ANKH: variants seen among roughly 807,000 people sequenced by gnomAD.
The protein encoded by ANKH is ANKH inorganic pyrophosphate transport regulator.
A neutral mutation model predicts 49.0 loss-of-function variants in ANKH; 15 were observed. The observed-to-expected ratio is 0.31, with a 90% CI of 0.20 to 0.47. The LOEUF (loss-of-function observed/expected upper bound fraction) is 0.47. Among genes scored for constraint, ANKH ranks in the 20% least tolerant of loss-of-function variants. ANKH has a pLI of 1.00. For missense variants in ANKH, 429 were observed against 652.0 expected (o/e 0.66, Z 3.72); for synonymous variants, 273 against 260.0 (o/e 1.05, Z -0.48).
At chr5:14,756,503 G>A (rs1738889781) in intron 3 of ANKH, among the ~76,000 whole-genome samples, 1 of 152,190 alleles carries the variant, frequency 6.6e-6, no homozygotes, top group South Asian at 2.1e-4. Context: ...GTCTGGAGAA[G>A]GTTTCAAGTT....
At chr5:14,826,311 G>A (rs987464115) in intron 1 of ANKH, among the ~76,000 whole-genome samples, 1 of 152,096 alleles carries the variant, frequency 6.6e-6, no homozygotes, top group African/African-American at 2.4e-5. Context: ...TCTGGATTTG[G>A]TCTCCCAAAA....
chr5:14,746,160 T>C lies in ANKH; in HGVS notation c.823-198A>G, dbSNP rs697567. ...AGCAAATTGGGCTCCTAGGGGCAGG[T>C]ACTCTGCCTCATCCCTGGGAGTGCA... On this transcript the variant is annotated intron_variant, in intron 6 of 11. Coordinates refer to ENST00000284268, the MANE Select transcript of ANKH (RefSeq NM_054027.6). Among the ~76,000 whole-genome samples the C allele has an allele frequency of 0.32, 48,059 of 151,722 alleles. 8,692 individuals are homozygous for C. The highest frequency in any genetic ancestry group is 0.51 in the African/African-American group (20,873 of 41,284).
rs552653421 is a variant in ANKH, at chr5:14,735,387, C to T, written c.1011+6440G>A. On this transcript the variant is annotated intron_variant, in intron 8 of 11. Transcript: ENST00000284268. ...GATGTCTCATGAAACTAAAAGGAGA[C>T]AGAATCTAACAAAAAACAAAAACAA... is the stretch of plus-strand genomic sequence containing the variant. Among the ~76,000 whole-genome samples the T allele has an allele frequency of 2.6e-5, 4 of 152,282 alleles. No homozygotes were observed. The South Asian group carries it at 8.3e-4, about 32-fold the overall frequency.
At chr5:14,865,536 T>A (rs1163057777) in intron 1 of ANKH, among the ~76,000 whole-genome samples, 2 of 152,192 alleles carry the variant, frequency 1.3e-5, no homozygotes, top group Non-Finnish European at 2.9e-5. Context: ...TTTCTTTCTT[T>A]AAGCACTTTA....
chr5:14,740,230 G>A (rs1260364306), intron 8 of ANKH, among the ~76,000 whole-genome samples: 4 of 152,200 alleles, frequency 2.6e-5, no homozygotes, highest in African/African-American at 4.8e-5. Context: ...TCACAGCAGA[G>A]TTAATTCAAC....
chr5:14,842,249 C>T (rs1741835714), intron 1 of ANKH, among the ~76,000 whole-genome samples: 1 of 152,138 alleles, frequency 6.6e-6, no homozygotes, highest in South Asian at 2.1e-4. Flanking sequence ...TCTTACTTGG[C>T]TGAGTGCCTT....
chr5:14,828,605 A>G (rs980763143), intron 1 of ANKH, among the ~76,000 whole-genome samples: 2 of 152,138 alleles, frequency 1.3e-5, no homozygotes, highest in African/African-American at 4.8e-5. Context: ...TTTTAATACC[A>G]TAATGCAGTT....
Position 14,741,844 on chromosome 5 carries a change from T to C in ANKH, c.994A>G (p.Met332Val), listed in dbSNP as rs1738367938. Residue 332 changes from methionine (M) to valine (V), a missense_variant, in exon 8 of 12, where the codon ATG (methionine) becomes GTG (valine). Met to Val is a conservative substitution (Grantham distance 21). Around this residue, in one of 2 missense-constraint regions of ANKH, gnomAD observed 378 missense variants for 615.3 expected, o/e 0.61. Transcript: ENST00000284268. ...AHIKKFTFVC[M>V]ALSLTLCFVM... is the part of the protein sequence containing the mutation. Reference sequence around the variant, plus strand: ...GTCCTTACCGTGAGTGACAGAGCCATGCAGACGAAGGTGAACTTCTTGATG... The same window carrying C: ...GTCCTTACCGTGAGTGACAGAGCCACGCAGACGAAGGTGAACTTCTTGATG... 3.7e-6 allele frequency: 6 copies of C among 1,613,832 alleles called. No homozygotes were observed. Among genetic ancestry groups the C allele is most frequent in the Admixed American group, 3.3e-5 (2 of 59,978 alleles).
At chr5:14,824,767 G>A (rs1261349876) in intron 1 of ANKH, among the ~76,000 whole-genome samples, 1 of 152,066 alleles carries the variant, frequency 6.6e-6, no homozygotes. Context: ...TTTCTGCCTG[G>A]CCCCTGACTT....
intron 8 of ANKH, among the ~76,000 whole-genome samples, chr5:14,717,723 C>T (rs1252946675): frequency 6.6e-6 from 1 of 152,048 alleles, no homozygotes; most frequent in Admixed American, 6.5e-5. Flanking sequence ...GTTGAGTAAC[C>T]CTTATCTGAA....
intron 8 of ANKH, among the ~76,000 whole-genome samples, chr5:14,721,315 T>A (rs1737652020): frequency 6.6e-6 from 1 of 152,212 alleles, no homozygotes; most frequent in Non-Finnish European, 1.5e-5. Context: ...ATGCCCCTTA[T>A]CATGGCCATG....
chr5:14,780,404 G>A (rs965010169), intron 1 of ANKH, among the ~76,000 whole-genome samples: 3 of 152,114 alleles, frequency 2.0e-5, no homozygotes, highest in Non-Finnish European at 2.9e-5. Context: ...TTAGCTGGGC[G>A]TGGTGGCACA....
chr5:14,724,538 C>A, intron 8 of ANKH: 1 of 985,164 alleles, frequency 1.0e-6, no homozygotes, highest in Non-Finnish European at 1.2e-6. Context: ...GCTTTACAGA[C>A]AGAAGACCCC....
Position 14,767,243 on chromosome 5 carries a change from G to A in ANKH, c.313+1732C>T, listed in dbSNP as rs111922455. ...AGAAAGGTGAACAAAGATGCCCGAC[G>A]TAGCAGATGGCAAAGGCAAGAGAGC... On this transcript the variant is annotated intron_variant, in intron 2 of 11. Coordinates refer to ENST00000284268, the MANE Select transcript of ANKH (RefSeq NM_054027.6). Among the ~76,000 whole-genome samples the A allele has an allele frequency of 7.2e-5, 11 of 152,300 alleles. 1 individual carries two copies. The highest frequency in any genetic ancestry group is 1.2e-4 in the African/African-American group (5 of 41,572).
chr5:14,788,295 C>T (rs1252295399), intron 1 of ANKH: 1 of 152,254 alleles, frequency 6.6e-6, no homozygotes, highest in East Asian at 1.9e-4. Context: ...CTTAACCTGC[C>T]TAAGCCACAG....
intron 1 of ANKH, among the ~76,000 whole-genome samples, chr5:14,787,001 T>C (rs1334195552): frequency 6.6e-6 from 1 of 152,166 alleles, no homozygotes; most frequent in Admixed American, 6.5e-5. Flanking sequence ...TGAAAGTCAA[T>C]GTACTGAAGT....
At chr5:14,866,879 T>C (rs1214180249) in intron 1 of ANKH, among the ~76,000 whole-genome samples, 1 of 152,090 alleles carries the variant, frequency 6.6e-6, no homozygotes, top group Non-Finnish European at 1.5e-5. Flanking sequence ...GTTTTTAAAA[T>C]TCAATATACA....
chr5:14,763,060 C>G (rs1454111461), intron 2 of ANKH, among the ~76,000 whole-genome samples: 1 of 152,222 alleles, frequency 6.6e-6, no homozygotes, highest in Non-Finnish European at 1.5e-5. Flanking sequence ...CTTCAGCCAG[C>G]CAGGGCCATG....
chr5:14,758,430 T>C (rs765138573), intron 3 of ANKH, 50 bp downstream of exon 3: 2 of 1,378,558 alleles, frequency 1.5e-6, no homozygotes, highest in East Asian at 4.6e-5. Flanking sequence ...ATGTATATTT[T>C]ACCACCAGTT....
Sources: gnomAD v4.1 joint callset for allele counts (sites outside exome capture counted in the v4.1 genomes callset) on GRCh38, gnomAD v4.1.1 for gene constraint, gnomAD v4.1.1 regional missense constraint, MANE v1.5 for transcripts, NCBI Gene and HGNC (gene_info 2026-07-23, HGNC 2026-07-21) for gene names.